The following PREX2 variants were observed in gnomAD, a reference collection of about 807,000 sequenced individuals.
PREX2 encodes phosphatidylinositol 3,4,5-trisphosphate-dependent Rac exchanger 2 protein.
Under a neutral mutation model 203.2 loss-of-function variants are expected in PREX2, and 107 were observed. The ratio of observed to expected loss-of-function variants is 0.53; its 90% CI spans 0.45 to 0.62. The LOEUF is 0.62. Ranked by LOEUF, PREX2 falls within the 20% of genes least tolerant of loss-of-function variation. The pLI, the probability that PREX2 is intolerant of heterozygous loss-of-function variation, is 0.00. For synonymous variants in PREX2, 672 were observed against 663.6 expected, an observed-to-expected ratio of 1.01 and a Z score of -0.19; for missense variants, 1,777 against 1,955.9, an observed-to-expected ratio of 0.91 and a Z score of 1.72.
At chr8:67,994,630 C>A (rs554146030) in intron 1 of PREX2, among the ~76,000 whole-genome samples, 21 of 152,194 alleles carry the variant, frequency 1.4e-4, no homozygotes, top group African/African-American at 5.1e-4. Flanking sequence ...ATTAAACAGG[C>A]CTTGTTAAGC....
At chr8:67,953,737 T>C (rs1805420960) in intron 1 of PREX2, among the ~76,000 whole-genome samples, 1 of 152,232 alleles carries the variant, frequency 6.6e-6, no homozygotes, top group South Asian at 2.1e-4. Context: ...GGTTGACTTC[T>C]CAAAATCAAT....
At position 68,148,006 on chromosome 8, in the gene PREX2, G is replaced by A. The variant is rs1811361675; in HGVS notation, c.4231+1654G>A. ...TCACGCATGTAATCCTAGCACTTTG[G>A]GAGGCCGAGGCAGGTGAATCACCTG... On this transcript the variant is annotated intron_variant, in intron 34 of 39. Transcript: ENST00000288368. Among the ~76,000 whole-genome samples, 4 of 152,166 alleles carry A rather than the reference G, an allele frequency of 2.6e-5. No individual in the cohort carries two copies. In the South Asian group the frequency reaches 8.3e-4, roughly 32 times the overall value.
intron 1 of PREX2, among the ~76,000 whole-genome samples, chr8:67,986,556 T>C (rs1806432907): frequency 2.0e-5 from 3 of 152,238 alleles, no homozygotes; most frequent in Admixed American, 2.0e-4. Flanking sequence ...CTGAGTCCTC[T>C]GTAATACTTT....
chr8:68,078,912 C>G (rs552410161), intron 15 of PREX2, among the ~76,000 whole-genome samples: 2 of 152,256 alleles, frequency 1.3e-5, no homozygotes, highest in East Asian at 3.9e-4. Flanking sequence ...TCATGCCTGG[C>G]TTTATTGATG....
intron 32 of PREX2, among the ~76,000 whole-genome samples, chr8:68,137,935 A>T (rs1348362105): frequency 6.6e-6 from 1 of 152,236 alleles, no homozygotes; most frequent in East Asian, 1.9e-4. Context: ...ATTAAAATTG[A>T]TTTTAATCAC....
chr8:68,050,038 G>A, intron 8 of PREX2, among the ~76,000 whole-genome samples: 1 of 151,560 alleles, frequency 6.6e-6, no homozygotes, highest in African/African-American at 2.4e-5. Flanking sequence ...ATATTCAATT[G>A]TATATGTGTG....
intron 4 of PREX2, among the ~76,000 whole-genome samples, chr8:68,026,274 C>T (rs1459222331): frequency 1.3e-5 from 2 of 152,102 alleles, no homozygotes; most frequent in African/African-American, 4.8e-5. Flanking sequence ...TGTTCTGCTA[C>T]TATCAGTCTT....
intron 28 of PREX2, 56 bp downstream of exon 28, chr8:68,119,570 T>G: frequency 8.0e-7 from 1 of 1,253,170 alleles, no homozygotes; most frequent in Non-Finnish European, 1.2e-6. Context: ...GAGGAGTCCC[T>G]TTTTCATATG....
At chr8:68,039,910 T>C (rs77317470) in intron 7 of PREX2, among the ~76,000 whole-genome samples, 3,632 of 152,282 alleles carry the variant, frequency 0.024, 129 homozygotes, top group African/African-American at 0.079. Context: ...TCTTTTCTTA[T>C]GCCTCCACAA....
chr8:68,116,741 C>G (rs1014726269), intron 26 of PREX2, among the ~76,000 whole-genome samples: 1 of 152,116 alleles, frequency 6.6e-6, no homozygotes, highest in Admixed American at 6.5e-5. Flanking sequence ...ACTTGATTAC[C>G]TTTGTAAAGA....
At chr8:68,048,845 C>CA (rs1419856527) in intron 8 of PREX2, among the ~76,000 whole-genome samples, 2 of 151,772 alleles carry the variant, frequency 1.3e-5, no homozygotes, top group Non-Finnish European at 2.9e-5. Context: ...GCCTTATCAC[C>CA]AAAAATAGCA....
intron 38 of PREX2, among the ~76,000 whole-genome samples, chr8:68,221,443 T>C (rs1457875103): frequency 1.3e-5 from 2 of 152,160 alleles, no homozygotes; most frequent in African/African-American, 2.4e-5. Context: ...AGGATAATAA[T>C]AGTACTTGTT....
intron 11 of PREX2, among the ~76,000 whole-genome samples, chr8:68,064,589 G>T (rs1309864823): frequency 6.6e-6 from 1 of 151,658 alleles, no homozygotes; most frequent in African/African-American, 2.4e-5. Flanking sequence ...TGTTGACCAG[G>T]TTGGTCTTGA....
intron 21 of PREX2, among the ~76,000 whole-genome samples, chr8:68,096,750 G>A (rs1335045381): frequency 1.3e-5 from 2 of 152,044 alleles, no homozygotes; most frequent in Non-Finnish European, 2.9e-5. Context: ...GATATAAATA[G>A]GTAGACATAT....
Position 68,187,513 on chromosome 8 carries a change from A to G in PREX2, c.4347-4209A>G, listed in dbSNP as rs138561883. Among the ~76,000 whole-genome samples the G allele has an allele frequency of 9.8e-5, 15 of 152,312 alleles. No individual in the cohort carries two copies. The East Asian group carries it at 2.9e-3, about 29-fold the overall frequency. ...CTTATCACACTAATGATCATTTCAT[A>G]TGCATTAATTTAATCTTCAACATCA... On this transcript the variant is annotated intron_variant, in intron 35 of 39. Coordinates refer to ENST00000288368, the MANE Select transcript of PREX2 (RefSeq NM_024870.4).
intron 34 of PREX2, among the ~76,000 whole-genome samples, chr8:68,147,175 C>A (rs1393998418): frequency 6.6e-6 from 1 of 152,020 alleles, no homozygotes; most frequent in Non-Finnish European, 1.5e-5. Flanking sequence ...TTTTCAAGAA[C>A]TACATTGGTT....
chr8:68,005,971 C>T (rs1312925208), intron 1 of PREX2, among the ~76,000 whole-genome samples: 1 of 152,206 alleles, frequency 6.6e-6, no homozygotes, highest in Non-Finnish European at 1.5e-5. Context: ...AATTTCAGGA[C>T]ATATGCATTA....
intron 30 of PREX2, among the ~76,000 whole-genome samples, chr8:68,124,644 TA>T (rs1297882781): frequency 2.0e-5 from 3 of 152,056 alleles, no homozygotes; most frequent in African/African-American, 2.4e-5. Context: ...CTTAAAAGTT[TA>T]AAAAAATATA....
chr8:68,083,463 A>G (rs1211454422), intron 18 of PREX2, 75 bp downstream of exon 18: 15 of 1,133,756 alleles, frequency 1.3e-5, no homozygotes, highest in Non-Finnish European at 1.9e-5. Context: ...TAACTAAGTA[A>G]ATGCTTAGAA....
Sources: allele counts gnomAD v4.1 joint callset (sites outside exome capture counted in the v4.1 genomes callset), GRCh38; gene constraint gnomAD v4.1.1; transcripts MANE v1.5; gene names NCBI Gene and HGNC (gene_info 2026-07-23, HGNC 2026-07-21).